The following CDH18 variants were observed in gnomAD, a reference collection of about 807,000 sequenced individuals.
The protein encoded by CDH18 is cadherin-18.
Under a neutral mutation model 67.9 loss-of-function variants are expected in CDH18, and 31 were observed. That is an observed-to-expected ratio of 0.46 (90% CI 0.34 to 0.62). The LOEUF is 0.62. Ranked by LOEUF, CDH18 falls within the 20% of genes least tolerant of loss-of-function variation. CDH18 has a pLI of 0.01. For synonymous variants in CDH18, 362 were observed against 347.2 expected, an observed-to-expected ratio of 1.04 and a Z score of -0.48; for missense variants, 890 against 975.5, an observed-to-expected ratio of 0.91 and a Z score of 1.17.
At chr5:19,882,804 T>C (rs1478850402) in intron 2 of CDH18, among the ~76,000 whole-genome samples, 2 of 152,160 alleles carry the variant, frequency 1.3e-5, no homozygotes, top group African/African-American at 4.8e-5. Context: ...TGTATGATTA[T>C]GGAATAGATA....
At chr5:20,446,795 A>G (rs1362203107) in intron 1 of CDH18, among the ~76,000 whole-genome samples, 2 of 152,210 alleles carry the variant, frequency 1.3e-5, no homozygotes, top group East Asian at 1.9e-4. Flanking sequence ...TGGAATAACC[A>G]TGATCTGTCC....
intron 1 of CDH18, among the ~76,000 whole-genome samples, chr5:20,288,075 A>ATT (rs149741266): frequency 7.4e-5 from 11 of 148,564 alleles, no homozygotes; most frequent in African/African-American, 2.5e-4. Flanking sequence ...TTCTGGGGTC[A>ATT]TTTTTTTTTT....
At position 20,477,760 on chromosome 5, in the gene CDH18, G is replaced by A. The variant is rs78270015; in HGVS notation, c.-580+97702C>T. ...TGGTGCTGAGCTGGGCTTGGTGCCA[G>A]TGAACTTGGGGTGCATACAACCCAG... is the stretch of plus-strand genomic sequence containing the variant. On this transcript the variant is annotated intron_variant, in intron 1 of 14. Coordinates refer to the CDH18 transcript ENST00000507958. Among the ~76,000 whole-genome samples the A allele has an allele frequency of 8.9e-3, 1,355 of 152,326 alleles. 9 individuals are homozygous for A. Among genetic ancestry groups the A allele is most frequent in the Middle Eastern group, 0.037 (11 of 294 alleles).
At chr5:20,112,312 C>A (rs1268675644) in intron 2 of CDH18, among the ~76,000 whole-genome samples, 2 of 152,152 alleles carry the variant, frequency 1.3e-5, no homozygotes, top group Non-Finnish European at 2.9e-5. Context: ...CTATTCATGA[C>A]AGAAACATAT....
chr5:20,113,294 C>G (rs1349756027), intron 2 of CDH18, among the ~76,000 whole-genome samples: 3 of 152,170 alleles, frequency 2.0e-5, no homozygotes, highest in Non-Finnish European at 4.4e-5. Flanking sequence ...GCATCTTCCC[C>G]AGCTGAGATG....
intron 2 of CDH18, among the ~76,000 whole-genome samples, chr5:19,928,686 T>C (rs1793358019): frequency 6.6e-6 from 1 of 152,016 alleles, no homozygotes; most frequent in Non-Finnish European, 1.5e-5. Context: ...ACTGGGAGGA[T>C]TGGCAGGAAT....
chr5:20,412,892 C>T (rs189263942), intron 1 of CDH18, among the ~76,000 whole-genome samples: 1 of 152,206 alleles, frequency 6.6e-6, no homozygotes, highest in Non-Finnish European at 1.5e-5. Flanking sequence ...TATACATGTG[C>T]ATGTTGGTTT....
At chr5:20,324,639 G>A (rs1316468758) in intron 1 of CDH18, among the ~76,000 whole-genome samples, 1 of 152,084 alleles carries the variant, frequency 6.6e-6, no homozygotes, top group Non-Finnish European at 1.5e-5. Flanking sequence ...AAAAAAACAA[G>A]GCATCATTTA....
intron 5 of CDH18, among the ~76,000 whole-genome samples, chr5:19,670,440 T>C (rs568477995): frequency 2.0e-5 from 3 of 152,264 alleles, no homozygotes; most frequent in South Asian, 2.1e-4. Flanking sequence ...AATTTTGTGT[T>C]ACTGCACTGA....
intron 2 of CDH18, among the ~76,000 whole-genome samples, chr5:20,125,285 C>CGTGTGT (rs3067918): frequency 1.9e-4 from 29 of 150,174 alleles, no homozygotes; most frequent in African/African-American, 6.1e-4. Flanking sequence ...AATACAACTT[C>CGTGTGT]GTGTGTGTGT....
intron 1 of CDH18, among the ~76,000 whole-genome samples, chr5:19,987,011 G>A (rs986801658): frequency 3.3e-5 from 5 of 151,960 alleles, no homozygotes; most frequent in African/African-American, 7.3e-5. Context: ...TCTGTCTCTC[G>A]GCTCAAAGCA....
intron 8 of CDH18, among the ~76,000 whole-genome samples, chr5:19,564,007 C>T (rs1739928193): frequency 6.6e-6 from 1 of 152,188 alleles, no homozygotes; most frequent in Non-Finnish European, 1.5e-5. Context: ...ACACATCCTG[C>T]AACCTATGGA....
intron 9 of CDH18, among the ~76,000 whole-genome samples, chr5:19,522,369 T>A (rs898708243): frequency 6.6e-6 from 1 of 152,138 alleles, no homozygotes; most frequent in African/African-American, 2.4e-5. Context: ...AAGACCCATA[T>A]GCAGAATACT....
rs76304601 is a variant in CDH18 at position 20,314,459 on chromosome 5, A to G, written c.-579-58954T>C. 6.8e-3 allele frequency among the ~76,000 whole-genome samples: 1,033 copies of G among 152,204 alleles called. 11 individuals carry two copies. The highest frequency in any genetic ancestry group is 0.023 in the African/African-American group (976 of 41,554). ...CTCCTGCATGTACCTTAAGAGAGGA[A>G]TTGCTGATTTAAAAAATTTCAATTC... On this transcript the variant is annotated intron_variant, in intron 1 of 14. Transcript: ENST00000507958.
intron 1 of CDH18, among the ~76,000 whole-genome samples, chr5:20,392,881 A>G (rs1388947124): frequency 6.6e-6 from 1 of 151,856 alleles, no homozygotes; most frequent in African/African-American, 2.4e-5. Flanking sequence ...TCCATTTACA[A>G]TAAAATTTAT....
intron 2 of CDH18, among the ~76,000 whole-genome samples, chr5:20,250,296 A>AT (rs1743737974): frequency 1.4e-5 from 2 of 147,768 alleles, no homozygotes; most frequent in African/African-American, 2.5e-5. Context: ...TTTTTATTTT[A>AT]TTTATTTATT....
Position 20,563,845 on chromosome 5 carries a change from T to C in CDH18, c.-580+11617A>G, listed in dbSNP as rs1435325343. Among the ~76,000 whole-genome samples the C allele has an allele frequency of 2.6e-5, 4 of 152,278 alleles. No homozygotes were observed. The East Asian group carries it at 5.8e-4, about 22-fold the overall frequency. On this transcript the variant is annotated intron_variant, in intron 1 of 14. Transcript: ENST00000507958. ...AAAAGAGCTCCTTAAACTCATATTA[T>C]TAGCCAAAACAAAATGGCGCTCTGA...
intron 3 of CDH18, among the ~76,000 whole-genome samples, chr5:19,796,389 G>A (rs1249022770): frequency 6.6e-6 from 1 of 152,144 alleles, no homozygotes; most frequent in Non-Finnish European, 1.5e-5. Flanking sequence ...GATTTCGCAT[G>A]TAACACCATT....
intron 1 of CDH18, among the ~76,000 whole-genome samples, chr5:20,334,510 T>C (rs1271763941): frequency 1.3e-5 from 2 of 151,848 alleles, no homozygotes; most frequent in Admixed American, 1.3e-4. Flanking sequence ...GATGTTTAAA[T>C]AACTCAGGAA....
Sources: allele counts gnomAD v4.1 joint callset (sites outside exome capture counted in the v4.1 genomes callset), GRCh38; gene constraint gnomAD v4.1.1; transcripts MANE v1.5; gene names NCBI Gene and HGNC (gene_info 2026-07-23, HGNC 2026-07-21).